The following GLG1 variants were observed in gnomAD, a reference collection of about 807,000 sequenced individuals.
The protein encoded by GLG1 is Golgi apparatus protein 1.
Under a neutral mutation model 160.5 loss-of-function variants are expected in GLG1, and 38 were observed. The ratio of observed to expected loss-of-function variants is 0.24; its 90% CI spans 0.18 to 0.31. The LOEUF (loss-of-function observed/expected upper bound fraction) is 0.31, where lower values mean the gene tolerates loss of function less well. Among genes scored for constraint, GLG1 ranks in the 10% least tolerant of loss-of-function variants. The pLI is 1.00. For missense variants in GLG1, 1,373 were observed against 1,505.2 expected, an observed-to-expected ratio of 0.91 and a Z score of 1.45; for synonymous variants, 644 against 543.4, an observed-to-expected ratio of 1.19 and a Z score of -2.57.
intron 2 of GLG1, among the ~76,000 whole-genome samples, chr16:74,529,870 G>A (rs1341634958): frequency 6.8e-6 from 1 of 146,522 alleles, no homozygotes; most frequent in Non-Finnish European, 1.5e-5. Context: ...AGACTGGAGG[G>A]CAGTGGCACG....
At chr16:74,597,858 A>C (rs931236176) in intron 1 of GLG1, among the ~76,000 whole-genome samples, 11 of 151,460 alleles carry the variant, frequency 7.3e-5, no homozygotes, top group African/African-American at 2.4e-4. Context: ...CCTCAAAAAA[A>C]AAAAAAAAAA....
intron 1 of GLG1, among the ~76,000 whole-genome samples, chr16:74,584,073 C>T (rs1393343704): frequency 6.6e-6 from 1 of 152,120 alleles, no homozygotes; most frequent in African/African-American, 2.4e-5. Flanking sequence ...TTCTCAGCGC[C>T]TTCAATTTTC....
At chr16:74,472,459 G>A (rs1164866929) in intron 13 of GLG1, 48 bp from the exon 14 acceptor site, 1 of 1,430,500 alleles carries the variant, frequency 7.0e-7, no homozygotes, top group Non-Finnish European at 9.8e-7. Flanking sequence ...AAAGAGCCAG[G>A]GTGGAGGAGG....
intron 1 of GLG1, among the ~76,000 whole-genome samples, chr16:74,570,228 G>A (rs2018788296): frequency 6.6e-6 from 1 of 151,946 alleles, no homozygotes; most frequent in Non-Finnish European, 1.5e-5. Context: ...ACACACACCT[G>A]ACTTCACCAT....
At chr16:74,496,058 G>T (rs1436468699) in intron 5 of GLG1, among the ~76,000 whole-genome samples, 16 of 152,268 alleles carry the variant, frequency 1.1e-4, no homozygotes, top group African/African-American at 3.9e-4. Context: ...CAGGCCAGGG[G>T]TTCAAGACCA....
chr16:74,582,504 T>C (rs373294944), intron 1 of GLG1, among the ~76,000 whole-genome samples: 88 of 152,244 alleles, frequency 5.8e-4, no homozygotes, highest in African/African-American at 2.1e-3. Flanking sequence ...TCACCTTCTC[T>C]TCACTATCAA....
intron 1 of GLG1, among the ~76,000 whole-genome samples, chr16:74,593,433 T>G (rs1408736179): frequency 1.4e-5 from 2 of 144,208 alleles, no homozygotes; most frequent in African/African-American, 2.6e-5. Context: ...ACCAGAGCTT[T>G]TTTTTTTTTT....
chr16:74,601,855 A>G (rs1853774479), intron 1 of GLG1, among the ~76,000 whole-genome samples: 1 of 152,198 alleles, frequency 6.6e-6, no homozygotes, highest in Non-Finnish European at 1.5e-5. Context: ...CCCATGGTAC[A>G]TTAGAAAGAG....
In GLG1 at chr16:74,467,930, G is replaced by A. The variant is rs2015058612; in HGVS notation, c.2437-82C>T. On this transcript the variant is annotated intron_variant, in intron 17 of 25. Transcript: ENST00000422840. ...TGTTCTGGAGACTTATTTGTTGACT[G>A]CATCTTGTCTAGTGACCCTGGCTTC... 5.7e-6 allele frequency: 5 copies of A among 880,606 alleles called. No individual in the cohort carries two copies. In the South Asian group the frequency reaches 7.6e-5, roughly 13 times the overall value. The allele number at this position is 880,606 out of a possible 1,614,324, so 54.5% of individuals were successfully genotyped here. A position where few individuals can be genotyped will look rare whatever the true frequency, so the allele number is the denominator to read the frequency against.
intron 1 of GLG1, among the ~76,000 whole-genome samples, chr16:74,588,622 T>C (rs1958102566): frequency 6.6e-6 from 1 of 152,058 alleles, no homozygotes; most frequent in African/African-American, 2.4e-5. Context: ...TTTCGCCATG[T>C]TGCCCAGGCT....
Position 74,470,210 on chromosome 16 carries a change from C to T in GLG1, c.2230-137G>A, listed in dbSNP as rs1223257049. On this transcript the variant is annotated intron_variant, in intron 15 of 25. Transcript: ENST00000422840. ...GGCTTGACCCACACGTGAGACATCA[C>T]GACCTGCTCATCTCTCCAGTACTCC... 8 of 660,040 alleles carry T rather than the reference C, an allele frequency of 1.2e-5. No individual in the cohort carries two copies. The Middle Eastern group carries it at 7.6e-4, about 63-fold the overall frequency. The allele number at this position is 660,040 out of a possible 1,614,324, so 40.9% of individuals were successfully genotyped here.
intron 2 of GLG1, among the ~76,000 whole-genome samples, chr16:74,509,353 C>T (rs189464155): frequency 6.6e-6 from 1 of 151,658 alleles, no homozygotes; most frequent in East Asian, 1.9e-4. Context: ...AAATTAAGAT[C>T]CTTGGTAAGG....
intron 1 of GLG1, among the ~76,000 whole-genome samples, chr16:74,560,120 T>C (rs2018467539): frequency 6.6e-6 from 1 of 152,128 alleles, no homozygotes; most frequent in African/African-American, 2.4e-5. Flanking sequence ...TTGTTCTGGG[T>C]GGGTCTACGG....
intron 11 of GLG1, among the ~76,000 whole-genome samples, chr16:74,477,951 C>A (rs1361503963): frequency 6.9e-6 from 1 of 144,778 alleles, no homozygotes; most frequent in African/African-American, 2.6e-5. Flanking sequence ...CCAGCCTGGG[C>A]AACAAGAGCG....
chr16:74,494,816 C>T lies in GLG1; in HGVS notation c.994G>A (p.Gly332Ser). Residue 332 changes from glycine (G) to serine (S), a missense_variant, in exon 6 of 26, where the codon GGC (glycine) becomes AGC (serine). Physicochemically the swap from Gly to Ser is moderately conservative, Grantham distance 56. Coordinates refer to ENST00000422840, the MANE Select transcript of GLG1 (RefSeq NM_001145667.2). ...RFCENTQAGE[G>S]RVYKCLFNHK... ...TTAAAGAGGCACTTATACACTCTGC[C>T]CTCACCAGCTTGTGTCTATAAGATG... 6.7e-7 allele frequency: 1 copy of T among 1,490,714 alleles called. No individual in the cohort carries two copies. Among genetic ancestry groups the T allele is most frequent in the Non-Finnish European group, 9.4e-7 (1 of 1,067,962 alleles). The allele number at this position is 1,490,714 out of a possible 1,614,324, so 92.3% of individuals were successfully genotyped here. A position where few individuals can be genotyped will look rare whatever the true frequency, so the allele number is the denominator to read the frequency against.
intron 1 of GLG1, among the ~76,000 whole-genome samples, chr16:74,605,243 CA>C (rs1387147487): frequency 4.0e-5 from 6 of 148,240 alleles, no homozygotes; most frequent in Admixed American, 3.4e-4. Flanking sequence ...TCCTCTGGAG[CA>C]TAAAACTGCC....
intron 1 of GLG1, among the ~76,000 whole-genome samples, chr16:74,561,712 T>C (rs2018519333): frequency 6.6e-6 from 1 of 152,162 alleles, no homozygotes; most frequent in African/African-American, 2.4e-5. Context: ...GCACCTGAAT[T>C]GGAGATACAA....
chr16:74,506,536 C>A (rs143101167), intron 3 of GLG1, among the ~76,000 whole-genome samples: 243 of 129,928 alleles, frequency 1.9e-3, no homozygotes, highest in Non-Finnish European at 3.1e-3. Context: ...GAGCAGAGAT[C>A]GCGCCACTGC....
intron 1 of GLG1, among the ~76,000 whole-genome samples, chr16:74,534,009 T>C (rs1404848982): frequency 1.3e-5 from 2 of 152,174 alleles, no homozygotes; most frequent in Non-Finnish European, 2.9e-5. Flanking sequence ...GGTTTCCCTA[T>C]GGAATTATTA....
Sources: gnomAD v4.1 joint callset for allele counts (sites outside exome capture counted in the v4.1 genomes callset) on GRCh38, gnomAD v4.1.1 for gene constraint, MANE v1.5 for transcripts, NCBI Gene and HGNC (gene_info 2026-07-23, HGNC 2026-07-21) for gene names.